The following XKR4 variants were observed in gnomAD, a reference collection of about 807,000 sequenced individuals.
XKR4 encodes XK-related protein 4.
In XKR4, 12 loss-of-function variants were observed where a neutral mutation model predicts 53.9. That is an observed-to-expected ratio of 0.22 (90% CI 0.14 to 0.36). The LOEUF is 0.36. Ranked by LOEUF, XKR4 falls within the 10% of genes least tolerant of loss-of-function variation. The pLI is 1.00. For missense variants in XKR4, 799 were observed against 859.5 expected, an observed-to-expected ratio of 0.93 and a Z score of 0.88; for synonymous variants, 354 against 362.4, an observed-to-expected ratio of 0.98 and a Z score of 0.26.
chr8:55,375,275 G>T (rs116752972), intron 2 of XKR4, among the ~76,000 whole-genome samples: 1 of 152,170 alleles, frequency 6.6e-6, no homozygotes, highest in Non-Finnish European at 1.5e-5. Flanking sequence ...ATCTGACAAC[G>T]GAGCGTGCAC....
chr8:55,148,650 T>G (rs948044853), intron 1 of XKR4, among the ~76,000 whole-genome samples: 2 of 152,200 alleles, frequency 1.3e-5, no homozygotes, highest in Non-Finnish European at 2.9e-5. Context: ...TTTTATCCGA[T>G]TTAATTACTT....
intron 2 of XKR4, among the ~76,000 whole-genome samples, chr8:55,445,165 C>A (rs1805326397): frequency 6.6e-6 from 1 of 152,170 alleles, no homozygotes; most frequent in Non-Finnish European, 1.5e-5. Flanking sequence ...TCATGCCATT[C>A]TCCTGCCTCA....
rs981060850 is a variant in XKR4 at position 55,186,467 on chromosome 8, A to G, written c.806+83173A>G. ...TCAGGAGATCGAGACCATCCTGGCT[A>G]ACATGGTGAAACCCCGTCTCTACTA... On this transcript the variant is annotated intron_variant, in intron 1 of 2. Coordinates refer to ENST00000327381, the MANE Select transcript of XKR4 (RefSeq NM_052898.2). Among the ~76,000 whole-genome samples the G allele has an allele frequency of 1.6e-4, 24 of 152,232 alleles. No homozygotes were observed. The East Asian group carries it at 3.7e-3, about 23-fold the overall frequency.
intron 2 of XKR4, among the ~76,000 whole-genome samples, chr8:55,483,755 C>T (rs945020612): frequency 5.4e-5 from 7 of 130,640 alleles, no homozygotes; most frequent in Non-Finnish European, 6.3e-5. Flanking sequence ...TGAAAAGCCT[C>T]TCCCTTAAAC....
At chr8:55,204,172 G>A (rs1287782581) in intron 1 of XKR4, among the ~76,000 whole-genome samples, 1 of 151,630 alleles carries the variant, frequency 6.6e-6, no homozygotes, top group East Asian at 1.9e-4. Flanking sequence ...AACATACCCT[G>A]CTAATTTATT....
chr8:55,110,650 A>G (rs1041458099), intron 1 of XKR4, among the ~76,000 whole-genome samples: 2 of 152,202 alleles, frequency 1.3e-5, no homozygotes, highest in Admixed American at 1.3e-4. Flanking sequence ...TTACACTCTG[A>G]GAAAAATGCA....
At chr8:55,275,649 C>G (rs1261887438) in intron 1 of XKR4, among the ~76,000 whole-genome samples, 1 of 152,146 alleles carries the variant, frequency 6.6e-6, no homozygotes, top group East Asian at 1.9e-4. Flanking sequence ...CCATAAAATA[C>G]TTTTTGTTAT....
At chr8:55,220,040 A>C (rs1817860744) in intron 1 of XKR4, among the ~76,000 whole-genome samples, 1 of 152,154 alleles carries the variant, frequency 6.6e-6, no homozygotes, top group Non-Finnish European at 1.5e-5. Flanking sequence ...GTATGTTTCA[A>C]AATTGCTAAC....
chr8:55,260,575 C>T (rs1818510481), intron 1 of XKR4, among the ~76,000 whole-genome samples: 1 of 152,150 alleles, frequency 6.6e-6, no homozygotes, highest in South Asian at 2.1e-4. Context: ...AAGAGAATAG[C>T]TCACTCTCTT....
intron 2 of XKR4, chr8:55,452,597 C>T: frequency 9.8e-7 from 1 of 1,019,420 alleles, no homozygotes; most frequent in Non-Finnish European, 1.5e-6. Flanking sequence ...CCTCCAGGGT[C>T]TTAATGTTTA....
chr8:55,283,165 G>C (rs1041207734), intron 1 of XKR4, among the ~76,000 whole-genome samples: 5 of 152,142 alleles, frequency 3.3e-5, no homozygotes, highest in Admixed American at 3.3e-4. Flanking sequence ...TGATGAAATT[G>C]CCTAATGATG....
At chr8:55,454,726 T>C (rs1183060554) in intron 2 of XKR4, 4 of 817,218 alleles carry the variant, frequency 4.9e-6, no homozygotes, top group Non-Finnish European at 8.6e-6. Flanking sequence ...GCCGAGGCTG[T>C]TCCTGAACAC....
At chr8:55,422,371 G>A (rs1392871783) in intron 2 of XKR4, among the ~76,000 whole-genome samples, 1 of 152,218 alleles carries the variant, frequency 6.6e-6, no homozygotes, top group Non-Finnish European at 1.5e-5. Context: ...TTGTGTATAT[G>A]GGTAGAGCAC....
chr8:55,283,082 A>G (rs920244389), intron 1 of XKR4, among the ~76,000 whole-genome samples: 8 of 152,302 alleles, frequency 5.3e-5, no homozygotes, highest in Non-Finnish European at 1.2e-4. Flanking sequence ...AATAGGCCAT[A>G]CCATATAGCC....
chr8:55,458,140 A>T (rs1478405688), intron 2 of XKR4, among the ~76,000 whole-genome samples: 1 of 152,262 alleles, frequency 6.6e-6, no homozygotes, highest in Non-Finnish European at 1.5e-5. Flanking sequence ...TCCAAAAAAA[A>T]ATTATTTGGC....
intron 1 of XKR4, among the ~76,000 whole-genome samples, chr8:55,244,896 CAT>C (rs1491122506): frequency 9.7e-5 from 11 of 113,830 alleles, no homozygotes; most frequent in South Asian, 3.1e-4. Context: ...CCTTTGCCAA[CAT>C]TTTTTTTTTT....
intron 2 of XKR4, among the ~76,000 whole-genome samples, chr8:55,468,402 T>C (rs1180427426): frequency 6.6e-6 from 1 of 152,092 alleles, no homozygotes; most frequent in Middle Eastern, 3.2e-3. Context: ...GAGTATTTAG[T>C]TTTAATCTTG....
intron 1 of XKR4, among the ~76,000 whole-genome samples, chr8:55,175,666 A>G (rs1817221696): frequency 6.6e-6 from 1 of 152,228 alleles, no homozygotes; most frequent in African/African-American, 2.4e-5. Context: ...TAGAGGCACC[A>G]AAAAACATGA....
intron 1 of XKR4, among the ~76,000 whole-genome samples, chr8:55,128,752 C>A (rs941039446): frequency 6.6e-6 from 1 of 152,156 alleles, no homozygotes; most frequent in African/African-American, 2.4e-5. Flanking sequence ...CAGACAGATT[C>A]TTGTTTTCTC....
Sources: allele counts gnomAD v4.1 joint callset (sites outside exome capture counted in the v4.1 genomes callset), GRCh38; gene constraint gnomAD v4.1.1; transcripts MANE v1.5; gene names NCBI Gene and HGNC (gene_info 2026-07-23, HGNC 2026-07-21).